Variants in PCCA observed in about 807,000 individuals in gnomAD.
PCCA encodes the protein propionyl-CoA carboxylase alpha chain, mitochondrial.
PCCA carries 74 observed loss-of-function variants against 101.3 expected under a neutral mutation model. That is an observed-to-expected ratio of 0.73 (90% CI 0.61 to 0.89). PCCA has a LOEUF of 0.89. Ranked by LOEUF, PCCA falls within the 40% of genes least tolerant of loss-of-function variation. The pLI, the probability that PCCA is intolerant of heterozygous loss-of-function variation, is 0.00. For synonymous variants in PCCA, 294 were observed against 313.6 expected (o/e 0.94, Z 0.66); for missense variants, 891 against 907.0 (o/e 0.98, Z 0.23).
chr13:100,473,860 T>C (rs2083211741), intron 21 of PCCA, among the ~76,000 whole-genome samples: 4 of 152,260 alleles, frequency 2.6e-5, no homozygotes, highest in Admixed American at 2.6e-4. Flanking sequence ...TATCGCACAA[T>C]GACATCGTGT....
chr13:100,453,237 C>T (rs937001009), intron 21 of PCCA, among the ~76,000 whole-genome samples: 10 of 151,970 alleles, frequency 6.6e-5, no homozygotes, highest in Non-Finnish European at 1.3e-4. Flanking sequence ...CATGGTGGCT[C>T]ACACCTGTAA....
At chr13:100,132,679 T>C (rs533742988) in intron 4 of PCCA, among the ~76,000 whole-genome samples, 1 of 152,298 alleles carries the variant, frequency 6.6e-6, no homozygotes, top group South Asian at 2.1e-4. Context: ...TTGCTGGTCA[T>C]ATGGTAAGTA....
At chr13:100,436,627 G>T (rs894822328) in intron 20 of PCCA, among the ~76,000 whole-genome samples, 1 of 152,186 alleles carries the variant, frequency 6.6e-6, no homozygotes, top group African/African-American at 2.4e-5. Flanking sequence ...TCCTGCCTCA[G>T]TGCTATCATT....
At chr13:100,239,901 A>G (rs534356649) in intron 8 of PCCA, among the ~76,000 whole-genome samples, 88 of 152,256 alleles carry the variant, frequency 5.8e-4, no homozygotes, top group African/African-American at 2.0e-3. Flanking sequence ...CCAAATCTCA[A>G]TAAATGTCAC....
chr13:100,499,895 C>T (rs2057449), intron 21 of PCCA, among the ~76,000 whole-genome samples: 38,371 of 152,110 alleles, frequency 0.25, 5,743 homozygotes, highest in East Asian at 0.65. Context: ...GAGGTGCTAG[C>T]ATTTTATTGG....
intron 7 of PCCA, among the ~76,000 whole-genome samples, chr13:100,226,051 A>G (rs898358689): frequency 2.0e-5 from 3 of 152,130 alleles, no homozygotes; most frequent in Non-Finnish European, 4.4e-5. Flanking sequence ...ACGACCTCCC[A>G]AAGTGCTGGA....
At chr13:100,386,405 G>T (rs948112067) in intron 19 of PCCA, among the ~76,000 whole-genome samples, 2 of 151,808 alleles carry the variant, frequency 1.3e-5, no homozygotes, top group Admixed American at 6.6e-5. Flanking sequence ...ACGGAATCTC[G>T]CTCTGTAGCC....
chr13:100,499,951 T>G (rs754365897), intron 21 of PCCA, among the ~76,000 whole-genome samples: 2 of 152,228 alleles, frequency 1.3e-5, no homozygotes. Flanking sequence ...TTCTGTCGTT[T>G]GGGGAAAAGG....
At position 100,309,823 on chromosome 13, in the gene PCCA, T is replaced by C. The variant is rs750041912; in HGVS notation, c.1354-10T>C. The C allele has an allele frequency of 1.9e-6, 3 of 1,600,222 alleles. No homozygotes were observed. In the Admixed American group the frequency reaches 5.0e-5, roughly 27 times the overall value. ...TATATATATTGGGTTTTTTGTTTGC[T>C]TGTTTTTAGCTAATCACATATGGCT... On this transcript the variant is annotated splice_polypyrimidine_tract_variant and intron_variant, in intron 15 of 23. Coordinates refer to ENST00000376285, the MANE Select transcript of PCCA (RefSeq NM_000282.4).
chr13:100,428,590 A>G (rs2079334095), intron 20 of PCCA, among the ~76,000 whole-genome samples: 1 of 152,154 alleles, frequency 6.6e-6, no homozygotes, highest in Admixed American at 6.5e-5. Context: ...AATTATAATT[A>G]CCTGTCATTC....
chr13:100,528,978 C>T (rs994454147), intron 23 of PCCA, among the ~76,000 whole-genome samples: 6 of 152,150 alleles, frequency 3.9e-5, no homozygotes, highest in Non-Finnish European at 5.9e-5. Flanking sequence ...ATGACCTTGG[C>T]CTCATCAGTT....
intron 6 of PCCA, among the ~76,000 whole-genome samples, chr13:100,174,694 C>T (rs948829629): frequency 1.4e-5 from 2 of 145,426 alleles, no homozygotes; most frequent in African/African-American, 5.1e-5. Context: ...CACCATTGCA[C>T]TCCAGCCTGG....
At chr13:100,299,486 G>A (rs899628922) in intron 12 of PCCA, among the ~76,000 whole-genome samples, 1 of 152,154 alleles carries the variant, frequency 6.6e-6, no homozygotes, top group African/African-American at 2.4e-5. Context: ...CATCTCTTTA[G>A]TGAGATAAAT....
intron 21 of PCCA, among the ~76,000 whole-genome samples, chr13:100,453,634 T>C (rs1267101597): frequency 2.0e-5 from 3 of 152,134 alleles, no homozygotes; most frequent in African/African-American, 7.2e-5. Flanking sequence ...GTCTGGCTGG[T>C]GTGTAGAGCA....
At chr13:100,265,260 A>C (rs2062848214) in intron 10 of PCCA, among the ~76,000 whole-genome samples, 1 of 152,076 alleles carries the variant, frequency 6.6e-6, no homozygotes, top group African/African-American at 2.4e-5. Flanking sequence ...ATGATATTTA[A>C]GTCTGTTACT....
In PCCA at chr13:100,112,295, T is replaced by C. The variant is rs149632325; in HGVS notation, c.300+234T>C. On this transcript the variant is annotated intron_variant, in intron 4 of 23. Coordinates refer to ENST00000376285, the MANE Select transcript of PCCA (RefSeq NM_000282.4). ...TTAGACAGAAAAATTGCCAGGCTGA[T>C]TGCTGGTCACCAAGTAGATTTAAGC... is the stretch of plus-strand genomic sequence containing the variant. Among the ~76,000 whole-genome samples the C allele has an allele frequency of 1.5e-3, 226 of 152,314 alleles. 2 individuals carry two copies. Among genetic ancestry groups the C allele is most frequent in the African/African-American group, 5.2e-3 (218 of 41,556 alleles).
intron 21 of PCCA, among the ~76,000 whole-genome samples, chr13:100,481,696 C>T (rs192992022): frequency 1.1e-4 from 17 of 152,184 alleles, no homozygotes; most frequent in African/African-American, 4.1e-4. Flanking sequence ...GTTTATGACC[C>T]AGGCAGGATG....
At chr13:100,130,798 C>G (rs2152321347) in intron 4 of PCCA, among the ~76,000 whole-genome samples, 1 of 152,170 alleles carries the variant, frequency 6.6e-6, no homozygotes, top group East Asian at 1.9e-4. Context: ...TTACAGATCC[C>G]CAGGCTGCAC....
At chr13:100,462,207 T>C (rs1158719054) in intron 21 of PCCA, among the ~76,000 whole-genome samples, 2 of 152,222 alleles carry the variant, frequency 1.3e-5, no homozygotes, top group Non-Finnish European at 2.9e-5. Context: ...TCTGTGGTAA[T>C]GTGTGTTCTG....
Sources: gnomAD v4.1 joint callset for allele counts (sites outside exome capture counted in the v4.1 genomes callset) on GRCh38, gnomAD v4.1.1 for gene constraint, MANE v1.5 for transcripts, NCBI Gene and HGNC (gene_info 2026-07-23, HGNC 2026-07-21) for gene names.